AVEN: variants seen among roughly 807,000 people sequenced by gnomAD.
The protein encoded by AVEN is apoptosis and caspase activation inhibitor.
Under a neutral mutation model 38.1 loss-of-function variants are expected in AVEN, and 41 were observed. The ratio of observed to expected loss-of-function variants is 1.08; its 90% confidence interval spans 0.84 to 1.40. AVEN has a LOEUF of 1.40. AVEN is among the 40% of genes most tolerant of loss of function. The pLI is 0.00. For missense variants in AVEN, 605 were observed against 438.8 expected (o/e 1.38, Z -3.38); for synonymous variants, 206 against 171.8 (o/e 1.20, Z -1.56).
chr15:33,898,184 G>A (rs1315241165), intron 2 of AVEN, among the ~76,000 whole-genome samples: 1 of 152,128 alleles, frequency 6.6e-6, no homozygotes, highest in African/African-American at 2.4e-5. Context: ...GCGAGACTCC[G>A]TCTCAAAACA....
chr15:34,055,225 C>T (rs1900089634), intron 5 of AVEN, among the ~76,000 whole-genome samples: 1 of 150,586 alleles, frequency 6.6e-6, no homozygotes, highest in Non-Finnish European at 1.5e-5. Flanking sequence ...AAGGCCAGGC[C>T]CGGTAGCTCG....
At chr15:33,895,039 T>C (rs533433275) in intron 2 of AVEN, among the ~76,000 whole-genome samples, 3 of 152,010 alleles carry the variant, frequency 2.0e-5, no homozygotes, top group East Asian at 3.9e-4. Flanking sequence ...TGTTCTTTTA[T>C]TGAAAGAACG....
intron 2 of AVEN, among the ~76,000 whole-genome samples, chr15:33,989,415 G>A (rs896262413): frequency 2.0e-5 from 3 of 151,132 alleles, no homozygotes; most frequent in African/African-American, 7.3e-5. Flanking sequence ...AAAGCAAGGA[G>A]GTATTATTTC....
rs192246011 is a variant in AVEN at position 33,969,417 on chromosome 15, A to G, written c.445+33615T>C. Among the ~76,000 whole-genome samples the G allele has an allele frequency of 1.3e-3, 195 of 152,030 alleles. 4 individuals carry two copies. In the East Asian group the frequency reaches 0.036, roughly 28 times the overall value. The stretch of plus-strand genomic sequence containing the variant: ...TTTTATCCCAATTTTGTTTTATTTA[A>G]TAGCTTGAAAAAAATGCATGAAGAG... On this transcript the variant is annotated intron_variant, in intron 2 of 5. Transcript: ENST00000306730.
chr15:33,991,165 G>C (rs2140568925), intron 2 of AVEN: 1 of 152,264 alleles, frequency 6.6e-6, no homozygotes, highest in South Asian at 2.1e-4. Flanking sequence ...ATTACACAAA[G>C]CATTTAAGCA....
chr15:33,919,428 G>T (rs1281647421), intron 2 of AVEN, among the ~76,000 whole-genome samples: 1 of 152,144 alleles, frequency 6.6e-6, no homozygotes, highest in East Asian at 1.9e-4. Flanking sequence ...TGCAACTTTG[G>T]TGTATATCAG....
At chr15:34,011,839 T>C (rs1349192590) in intron 1 of AVEN, among the ~76,000 whole-genome samples, 1 of 152,174 alleles carries the variant, frequency 6.6e-6, no homozygotes, top group Non-Finnish European at 1.5e-5. Context: ...GGACAGACTA[T>C]GGGATTTCTC....
intron 3 of AVEN, among the ~76,000 whole-genome samples, chr15:33,874,959 G>T (rs936602667): frequency 6.6e-6 from 1 of 152,176 alleles, no homozygotes; most frequent in Non-Finnish European, 1.5e-5. Flanking sequence ...CCAGACTTAA[G>T]CAAAGACAAA....
At chr15:33,883,577 A>C (rs891516190) in intron 2 of AVEN, 1 of 147,506 alleles carries the variant, frequency 6.8e-6, no homozygotes, top group African/African-American at 2.5e-5. Flanking sequence ...ACATATATAG[A>C]TATAAAGATA....
chr15:33,908,557 G>C (rs1210546975), intron 2 of AVEN, among the ~76,000 whole-genome samples: 1 of 152,114 alleles, frequency 6.6e-6, no homozygotes, highest in African/African-American at 2.4e-5. Flanking sequence ...TTCTGTCTCT[G>C]TGAATCTGAC....
At chr15:33,864,056 C>CA, downstream of AVEN, 5 of 1,048,116 alleles carry the variant, frequency 4.8e-6, no homozygotes, top group South Asian at 6.9e-5. Flanking sequence ...ACTAGCCTTT[C>CA]TGAGCCCTGA....
chr15:33,918,656 T>C (rs1346166885), intron 2 of AVEN, among the ~76,000 whole-genome samples: 1 of 151,840 alleles, frequency 6.6e-6, no homozygotes, highest in Non-Finnish European at 1.5e-5. Flanking sequence ...GGTTTCTCCA[T>C]GTTGGCCAGG....
chr15:34,072,014 C>T (rs1363797707), intron 1 of AVEN, among the ~76,000 whole-genome samples: 1 of 152,094 alleles, frequency 6.6e-6, no homozygotes, highest in East Asian at 1.9e-4. Flanking sequence ...GCCTGTAATT[C>T]CAGCACTTTG....
chr15:34,033,601 A>G (rs1043726028), intron 1 of AVEN, among the ~76,000 whole-genome samples: 5 of 152,162 alleles, frequency 3.3e-5, no homozygotes, highest in Non-Finnish European at 7.3e-5. Context: ...CCAAGCCTGT[A>G]GAGTTATATA....
At position 33,989,175 on chromosome 15, in the gene AVEN, G is replaced by C. The variant is rs554650752; in HGVS notation, c.445+13857C>G. 3.3e-4 allele frequency among the ~76,000 whole-genome samples: 50 copies of C among 152,090 alleles called. 2 individuals carry two copies. In the South Asian group the frequency reaches 0.01, roughly 31 times the overall value. ...ACACACAAAAAAGCTAAATAAAAGA[G>C]AAGATGAGTTAATGATCATTTATTT... On this transcript the variant is annotated intron_variant, in intron 2 of 5. Transcript: ENST00000306730.
chr15:33,948,709 G>A (rs1343896313), intron 2 of AVEN, among the ~76,000 whole-genome samples: 1 of 152,140 alleles, frequency 6.6e-6, no homozygotes. Context: ...GTCTCACTCT[G>A]TCGCCCAGGC....
At chr15:33,909,251 C>A (rs1449701027) in intron 2 of AVEN, among the ~76,000 whole-genome samples, 2 of 152,130 alleles carry the variant, frequency 1.3e-5, no homozygotes. Context: ...GCAAAAGCAC[C>A]TTTACTTCCA....
chr15:33,921,383 G>A (rs1893387830), intron 2 of AVEN, among the ~76,000 whole-genome samples: 1 of 152,084 alleles, frequency 6.6e-6, no homozygotes. Context: ...AATTGAGACA[G>A]TTTTTCAGAA....
At chr15:33,950,532 C>T (rs1276178164) in intron 2 of AVEN, among the ~76,000 whole-genome samples, 3 of 152,138 alleles carry the variant, frequency 2.0e-5, no homozygotes, top group Admixed American at 6.5e-5. Flanking sequence ...AAAAAACCCA[C>T]AAGGGTGAAC....
Sources: allele counts gnomAD v4.1 joint callset (sites outside exome capture counted in the v4.1 genomes callset), GRCh38; gene constraint gnomAD v4.1.1; transcripts MANE v1.5; gene names NCBI Gene and HGNC (gene_info 2026-07-23, HGNC 2026-07-21).